Variants in CPNE4 observed in about 807,000 individuals in gnomAD.
CPNE4 encodes the protein copine 4.
CPNE4 carries 25 observed loss-of-function variants against 67.9 expected under a neutral mutation model. The ratio of observed to expected loss-of-function variants is 0.37; its 90% CI spans 0.27 to 0.51. The LOEUF (loss-of-function observed/expected upper bound fraction) is 0.51, where lower values mean the gene tolerates loss of function less well. CPNE4 is among the 20% of genes least tolerant of loss of function. The pLI, the probability that CPNE4 is intolerant of heterozygous loss-of-function variation, is 0.93. For synonymous variants in CPNE4, 242 were observed against 244.9 expected (o/e 0.99, Z 0.11); for missense variants, 464 against 690.8 (o/e 0.67, Z 3.68).
intron 1 of CPNE4, among the ~76,000 whole-genome samples, chr3:131,942,061 TA>T (rs965275639): frequency 2.6e-5 from 4 of 151,962 alleles, no homozygotes; most frequent in Non-Finnish European, 4.4e-5. Context: ...AAACTATAGT[TA>T]AAAAAATTGA....
At chr3:131,659,654 T>C (rs2080074680) in intron 7 of CPNE4, among the ~76,000 whole-genome samples, 3 of 152,194 alleles carry the variant, frequency 2.0e-5, no homozygotes, top group African/African-American at 2.4e-5. Flanking sequence ...GACAATTTTT[T>C]CAATAAAACA....
rs961520948 is a variant in CPNE4, at chr3:131,934,002, G to A, written c.-1-28558C>T. ...AAAAGTGGTTATGTGAATAGAACAT[G>A]AGAGAGATGAAAAAATATGCCTACG... On this transcript the variant is annotated intron_variant, in intron 1 of 15. Transcript: ENST00000429747. 2.6e-5 allele frequency among the ~76,000 whole-genome samples: 4 copies of A among 152,212 alleles called. No individual in the cohort carries two copies. The East Asian group carries it at 7.7e-4, about 29-fold the overall frequency.
intron 1 of CPNE4, among the ~76,000 whole-genome samples, chr3:131,937,887 G>C (rs1331578940): frequency 6.6e-6 from 1 of 151,978 alleles, no homozygotes; most frequent in Admixed American, 6.6e-5. Flanking sequence ...TAGAAAGAGA[G>C]AGGAAGCAGA....
intron 1 of CPNE4, among the ~76,000 whole-genome samples, chr3:131,961,981 A>T (rs2072195567): frequency 6.6e-6 from 1 of 152,202 alleles, no homozygotes; most frequent in Non-Finnish European, 1.5e-5. Flanking sequence ...CCATATCTAG[A>T]TCATCTCATT....
chr3:131,998,906 A>G (rs1041585124), intron 1 of CPNE4, among the ~76,000 whole-genome samples: 1 of 152,086 alleles, frequency 6.6e-6, no homozygotes. Flanking sequence ...AACAGGTCCT[A>G]TCTCTAGCTT....
At chr3:131,811,038 G>C (rs2084504802) in intron 2 of CPNE4, among the ~76,000 whole-genome samples, 1 of 152,058 alleles carries the variant, frequency 6.6e-6, no homozygotes, top group African/African-American at 2.4e-5. Flanking sequence ...AAATGGAAAA[G>C]TGATGATTAG....
At chr3:131,967,882 A>C (rs1331730045) in intron 1 of CPNE4, among the ~76,000 whole-genome samples, 1 of 152,224 alleles carries the variant, frequency 6.6e-6, no homozygotes, top group Non-Finnish European at 1.5e-5. Context: ...GGAACCAAAA[A>C]AGAGCTTGTA....
intron 1 of CPNE4, among the ~76,000 whole-genome samples, chr3:131,970,409 T>A (rs145955680): frequency 1.3e-5 from 2 of 152,230 alleles, no homozygotes; most frequent in East Asian, 3.8e-4. Flanking sequence ...AAATATTAGC[T>A]CTTTTTCCCC....
At chr3:131,623,531 C>G (rs1049367786) in intron 7 of CPNE4, among the ~76,000 whole-genome samples, 1 of 152,214 alleles carries the variant, frequency 6.6e-6, no homozygotes, top group Non-Finnish European at 1.5e-5. Context: ...CACCTCCTTA[C>G]TCCTGGCAGG....
In CPNE4 at chr3:132,020,926, A is replaced by C. The variant is rs992528955; in HGVS notation, c.-2+13641T>G. On this transcript the variant is annotated intron_variant, in intron 1 of 15. Coordinates refer to ENST00000429747, the MANE Select transcript of CPNE4 (RefSeq NM_130808.3). Reference sequence around the variant, plus strand: ...CCACTTCCATAAGCCAACTCAAAACAAGCACAAAGCACAACTTTGATGCTC... The same window carrying C: ...CCACTTCCATAAGCCAACTCAAAACCAGCACAAAGCACAACTTTGATGCTC... 3.9e-5 allele frequency among the ~76,000 whole-genome samples: 6 copies of C among 152,194 alleles called. No individual in the cohort carries two copies. In the East Asian group the frequency reaches 1.2e-3, roughly 29 times the overall value.
At chr3:131,963,428 A>AG (rs1428054455) in intron 1 of CPNE4, among the ~76,000 whole-genome samples, 2 of 151,836 alleles carry the variant, frequency 1.3e-5, no homozygotes, top group Non-Finnish European at 2.9e-5. Flanking sequence ...GAAGCCAGGG[A>AG]GCCAAGTGGT....
Position 131,547,455 on chromosome 3 carries a change from C to CAAAAAAAAAAAAAAAAAA in CPNE4, c.1302+2474_1302+2491dup, listed in dbSNP as rs56412825. On this transcript the variant is annotated intron_variant, in intron 14 of 15. Transcript: ENST00000429747. Reference sequence around the variant, plus strand: ...TGGGTGATAGACCAAGACCCTGTCGCAAAAAAAAAAAAAAAAAAAAAAAAA... The same window carrying CAAAAAAAAAAAAAAAAAA: ...TGGGTGATAGACCAAGACCCTGTCGCAAAAAAAAAAAAAAAAAAAAAAAAAAAAAAAAAAAAAAAAAAA... Among the ~76,000 whole-genome samples, 12 of 36,524 alleles carry CAAAAAAAAAAAAAAAAAA rather than the reference C, an allele frequency of 3.3e-4. 6 individuals are homozygous for CAAAAAAAAAAAAAAAAAA. Among genetic ancestry groups the CAAAAAAAAAAAAAAAAAA allele is most frequent in the East Asian group, 1.6e-3 (2 of 1,240 alleles). The allele number at this position is 36,524 out of a possible 152,430, so 24.0% of individuals were successfully genotyped here.
intron 2 of CPNE4, among the ~76,000 whole-genome samples, chr3:131,904,070 C>A (rs1463384886): frequency 6.6e-6 from 1 of 152,144 alleles, no homozygotes; most frequent in Admixed American, 6.6e-5. Flanking sequence ...AAGAATGACT[C>A]ACAGAAATGT....
intron 1 of CPNE4, among the ~76,000 whole-genome samples, chr3:131,944,461 A>G (rs1316316017): frequency 6.6e-6 from 1 of 152,050 alleles, no homozygotes; most frequent in Non-Finnish European, 1.5e-5. Flanking sequence ...GCTCCTGGCT[A>G]TTAGTACTAC....
intron 1 of CPNE4, chr3:131,986,008 T>C (rs79775365): frequency 0.018 from 2,788 of 154,228 alleles, 52 homozygotes; most frequent in Non-Finnish European, 0.026. Context: ...ATTATATCCA[T>C]CTTTTTATAT....
chr3:131,715,333 G>C (rs201296735), intron 3 of CPNE4, among the ~76,000 whole-genome samples: 3 of 152,176 alleles, frequency 2.0e-5, no homozygotes, highest in African/African-American at 7.2e-5. Context: ...CTCTGTGTAA[G>C]ACAAATAAAC....
chr3:131,676,613 T>A (rs2080575740), intron 6 of CPNE4, among the ~76,000 whole-genome samples: 1 of 152,158 alleles, frequency 6.6e-6, no homozygotes, highest in Admixed American at 6.6e-5. Flanking sequence ...AGCTCCCACT[T>A]ATAAGTGAGA....
At chr3:131,703,430 T>C (rs774107260) in intron 3 of CPNE4, among the ~76,000 whole-genome samples, 1 of 152,198 alleles carries the variant, frequency 6.6e-6, no homozygotes, top group African/African-American at 2.4e-5. Flanking sequence ...TTTAGCAAGG[T>C]TGGACCAGAG....
chr3:132,019,126 T>C (rs1203437366), intron 1 of CPNE4, among the ~76,000 whole-genome samples: 1 of 150,696 alleles, frequency 6.6e-6, no homozygotes, highest in Non-Finnish European at 1.5e-5. Flanking sequence ...CATTTTCACA[T>C]TCCTAAGGAG....
Sources: allele counts gnomAD v4.1 joint callset (sites outside exome capture counted in the v4.1 genomes callset), GRCh38; gene constraint gnomAD v4.1.1; transcripts MANE v1.5; gene names NCBI Gene and HGNC (gene_info 2026-07-23, HGNC 2026-07-21).